RBM6: variants seen among roughly 807,000 people sequenced by gnomAD.
RBM6 encodes RNA binding motif protein 6.
A neutral mutation model predicts 140.4 loss-of-function variants in RBM6; 23 were observed. That is an observed-to-expected ratio of 0.16 (90% CI 0.12 to 0.23). RBM6 has a LOEUF of 0.23. RBM6 is among the 10% of genes least tolerant of loss of function. RBM6 has a pLI of 1.00. For synonymous variants in RBM6, 439 were observed against 475.6 expected (o/e 0.92, Z 1.00); for missense variants, 1,139 against 1,386.7 (o/e 0.82, Z 2.84).
chr3:50,049,995 A>AT (rs973732712), intron 7 of RBM6, among the ~76,000 whole-genome samples: 16 of 149,460 alleles, frequency 1.1e-4, no homozygotes, highest in Admixed American at 8.1e-4. Flanking sequence ...AGTTCCAGAA[A>AT]TTTTTTTTTT....
At chr3:49,956,889 TCCAGA>T (rs1395869627) in intron 1 of RBM6, among the ~76,000 whole-genome samples, 1 of 151,988 alleles carries the variant, frequency 6.6e-6, no homozygotes, top group East Asian at 1.9e-4. Context: ...GGTCTCGAAC[TCCAGA>T]CCTCAGGTGA....
At chr3:49,963,104 AC>A (rs2084356789) in intron 2 of RBM6, 1 of 153,280 alleles carries the variant, frequency 6.5e-6, no homozygotes, top group African/African-American at 2.4e-5. Flanking sequence ...TGTCTCAAAA[AC>A]AAAAACAAAA....
chr3:50,060,425 T>C (rs1399768481), intron 11 of RBM6, among the ~76,000 whole-genome samples: 1 of 152,068 alleles, frequency 6.6e-6, no homozygotes, highest in Non-Finnish European at 1.5e-5. Context: ...AATGGCTGTT[T>C]TGCTCCACCA....
chr3:49,958,382 C>T (rs1475230634), intron 1 of RBM6, among the ~76,000 whole-genome samples: 2 of 151,976 alleles, frequency 1.3e-5, no homozygotes, highest in Non-Finnish European at 2.9e-5. Flanking sequence ...GGTGAAACCC[C>T]GTCTCCACTA....
chr3:49,999,542 T>C, intron 6 of RBM6, 29 bp downstream of exon 6: 1 of 1,544,000 alleles, frequency 6.5e-7, no homozygotes, highest in Non-Finnish European at 9.0e-7. Flanking sequence ...CAAATGATGC[T>C]GGAAGGATAT....
In RBM6 at chr3:49,985,128, CT is replaced by C. The variant is rs1044590087; in HGVS notation, c.1483+9738del. 7.6e-4 allele frequency among the ~76,000 whole-genome samples: 115 copies of C among 152,270 alleles called. 1 individual carries two copies. Among genetic ancestry groups the C allele is most frequent in the Middle Eastern group, 3.4e-3 (1 of 294 alleles). ...CCAGGTTTGATAAGGCTGTATGGGG[CT>C]TCCTATGCCTTTTGGTAGTTAGAAG... On this transcript the variant is annotated intron_variant, in intron 5 of 20. Coordinates refer to ENST00000266022, the MANE Select transcript of RBM6 (RefSeq NM_005777.3).
At chr3:50,037,739 A>G (rs1490911249) in intron 6 of RBM6, among the ~76,000 whole-genome samples, 1 of 151,848 alleles carries the variant, frequency 6.6e-6, no homozygotes, top group Admixed American at 6.6e-5. Context: ...CCTGGGTTCA[A>G]GCAGTTCTCC....
chr3:50,006,261 G>A (rs190737235), intron 6 of RBM6, among the ~76,000 whole-genome samples: 1 of 150,648 alleles, frequency 6.6e-6, no homozygotes, highest in Admixed American at 6.6e-5. Context: ...TTAGCCTCCC[G>A]AGTAACTGGG....
intron 1 of RBM6, among the ~76,000 whole-genome samples, chr3:49,945,422 A>C (rs1056968723): frequency 3.3e-5 from 5 of 151,958 alleles, no homozygotes; most frequent in African/African-American, 1.2e-4. Flanking sequence ...GAACTGCCTT[A>C]CTGTTTTCCA....
chr3:50,029,977 C>T (rs1461603843), intron 6 of RBM6, among the ~76,000 whole-genome samples: 1 of 147,510 alleles, frequency 6.8e-6, no homozygotes, highest in Non-Finnish European at 1.5e-5. Context: ...GTACAGTGAG[C>T]CATGATGCAC....
chr3:50,058,351 T>C (rs1298035224), intron 9 of RBM6, 51 bp from the exon 10 acceptor site: 20 of 1,540,412 alleles, frequency 1.3e-5, no homozygotes, highest in Non-Finnish European at 1.8e-5. Context: ...ACTTCAAAAA[T>C]TTATCTTTCT....
chr3:49,965,813 C>T (rs11130228), intron 2 of RBM6, among the ~76,000 whole-genome samples: 72,533 of 151,852 alleles, frequency 0.48, 18,017 homozygotes, highest in African/African-American at 0.53. Context: ...TAGGTTAATG[C>T]TGTTAAATTC....
chr3:50,003,399 G>A (rs2086434617), intron 6 of RBM6, among the ~76,000 whole-genome samples: 1 of 150,972 alleles, frequency 6.6e-6, no homozygotes, highest in Non-Finnish European at 1.5e-5. Context: ...GAGTCACCAC[G>A]ATCTGCTTGG....
chr3:50,075,941 T>A (rs1379504779), intron 20 of RBM6, among the ~76,000 whole-genome samples: 1 of 152,052 alleles, frequency 6.6e-6, no homozygotes, highest in Non-Finnish European at 1.5e-5. Flanking sequence ...TAATTCATCT[T>A]GGGTATTTGT....
chr3:50,061,963 A>G lies in RBM6; in HGVS notation c.2441A>G (p.Gln814Arg). The part of the protein sequence containing the change: ...AGTYYDPNTQ[Q>R]EVYVPQDPGL... ...TACTTGTTTCCAACTGTATCGCAGC[A>G]AGAAGTCTATGTGCCCCAGGATCCT... is the stretch of plus-strand genomic sequence containing the variant. The change falls in exon 15 of 21, where the codon CAA becomes CGA. Residue 814 changes from glutamine to arginine, a missense_variant and splice_region_variant. Around this residue, in one of 9 missense-constraint regions of RBM6, gnomAD observed 163 missense variants for 182.8 expected, o/e 0.89. Transcript: ENST00000266022. 4 of 1,612,488 alleles carry G rather than the reference A, an allele frequency of 2.5e-6. No homozygotes were observed. The highest frequency in any genetic ancestry group is 3.4e-6 in the Non-Finnish European group (4 of 1,179,558).
intron 8 of RBM6, among the ~76,000 whole-genome samples, chr3:50,055,606 G>A (rs1269908982): frequency 6.6e-6 from 1 of 152,152 alleles, no homozygotes; most frequent in Non-Finnish European, 1.5e-5. Context: ...ATGTTAGGTT[G>A]AAAAAGAGTC....
At chr3:49,976,877 G>C (rs948966156) in intron 5 of RBM6, among the ~76,000 whole-genome samples, 43 of 152,124 alleles carry the variant, frequency 2.8e-4, no homozygotes, top group African/African-American at 1.0e-3. Flanking sequence ...AAATCATTCA[G>C]GGCAGTGCTT....
chr3:50,032,487 A>C (rs994605661), intron 6 of RBM6, among the ~76,000 whole-genome samples: 2 of 151,216 alleles, frequency 1.3e-5, no homozygotes, highest in Non-Finnish European at 3.0e-5. Context: ...CATCTCAAAA[A>C]AAAAAAAAAA....
chr3:49,971,513 C>T (rs537177357), intron 3 of RBM6, among the ~76,000 whole-genome samples: 1 of 149,340 alleles, frequency 6.7e-6, no homozygotes, highest in Admixed American at 6.8e-5. Context: ...GTTTACAGCC[C>T]ATTCTCCAGC....
Sources: allele counts gnomAD v4.1 joint callset (sites outside exome capture counted in the v4.1 genomes callset), GRCh38; gene constraint gnomAD v4.1.1; regional missense constraint gnomAD v4.1.1; transcripts MANE v1.5; gene names NCBI Gene and HGNC (gene_info 2026-07-23, HGNC 2026-07-21).